KCNJ15: variants seen among roughly 807,000 people sequenced by gnomAD.
KCNJ15 encodes the protein potassium inwardly rectifying channel subfamily J member 15, also known as ATP-sensitive inward rectifier potassium channel 15.
Under a neutral mutation model 23.0 loss-of-function variants are expected in KCNJ15, and 14 were observed. The ratio of observed to expected loss-of-function variants is 0.61; its 90% CI spans 0.40 to 0.95. KCNJ15 has a LOEUF of 0.95. KCNJ15 is among the 40% of genes least tolerant of loss of function. KCNJ15 has a pLI of 0.00. For synonymous variants in KCNJ15, 185 were observed against 183.2 expected (o/e 1.01, Z -0.08); for missense variants, 388 against 461.8 (o/e 0.84, Z 1.46).
In KCNJ15 at chr21:38,306,925, T is replaced by TGTGTACTTACCA. The variant is rs1986077155; in HGVS notation, c.*6536_*6537insGTGTACTTACCA. ...TATATGCAAACAATCCCACTGCTTG[T>TGTGTACTTACCA]AACTCCTGGCAGTGTGTACTTACCA... On this transcript the variant is annotated 3_prime_UTR_variant, in exon 3 of 3. Transcript: ENST00000398938. 6.6e-6 allele frequency: 1 copy of TGTGTACTTACCA among 152,256 alleles called. No homozygotes were observed. The highest frequency in any genetic ancestry group is 2.1e-4 in the South Asian group (1 of 4,838). The allele number at this position is 152,256 out of a possible 1,614,324, so 9.4% of individuals were successfully genotyped here.
upstream of KCNJ15, among the ~76,000 whole-genome samples, chr21:38,254,138 CTTAG>C (rs892203429): frequency 2.6e-5 from 4 of 152,158 alleles, no homozygotes; most frequent in African/African-American, 4.8e-5. Flanking sequence ...TCCTATTTCC[CTTAG>C]TTAGTTTCAG....
chr21:38,259,336 A>G (rs910965268), intron 1 of KCNJ15, among the ~76,000 whole-genome samples: 3 of 152,326 alleles, frequency 2.0e-5, no homozygotes, highest in Middle Eastern at 3.4e-3. Context: ...AGCTGTAAGC[A>G]TGATAAAGCT....
At chr21:38,241,298 G>A (rs1279149186) in intron 1 of KCNJ15, among the ~76,000 whole-genome samples, 1 of 125,854 alleles carries the variant, frequency 7.9e-6, no homozygotes, top group Non-Finnish European at 1.7e-5. Flanking sequence ...TTCTCCAAGT[G>A]CAAAACATCC....
chr21:38,301,974 A>ACACATATGCACACACGCGCGTG lies in KCNJ15; in HGVS notation c.*1589_*1590insTATGCACACACGCGCGTGCACA, dbSNP rs1985818649. 6.5e-6 allele frequency: 1 copy of ACACATATGCACACACGCGCGTG among 154,718 alleles called. No individual in the cohort carries two copies. The highest frequency in any genetic ancestry group is 1.9e-4 in the East Asian group (1 of 5,200). 9.6% of individuals were successfully genotyped at this position (154,718 alleles called of 1,614,324 possible). A position where few individuals can be genotyped will look rare whatever the true frequency, so the allele number is the denominator to read the frequency against. The stretch of plus-strand genomic sequence containing the variant: ...CACACACAGTCACACACGCACACAC[A>ACACATATGCACACACGCGCGTG]CACACATGCACACACGCGCGTGCAC... On this transcript the variant is annotated 3_prime_UTR_variant, in exon 3 of 3. Transcript: ENST00000398938.
rs576709021 is a variant in KCNJ15, at chr21:38,268,550, GAAAAAAAAAAAAA to G, written c.-117+11380_-117+11392del. 5.2e-3 allele frequency among the ~76,000 whole-genome samples: 246 copies of G among 47,272 alleles called. 1 individual carries two copies. Among genetic ancestry groups the G allele is most frequent in the Middle Eastern group, 0.04 (2 of 50 alleles). 31.0% of individuals were successfully genotyped at this position (47,272 alleles called of 152,430 possible). A position where few individuals can be genotyped will look rare whatever the true frequency, so the allele number is the denominator to read the frequency against. ...TATCTGACAAGAGTACTTAAAATCTGAAAAAAAAAAAAAAAAAAAAAAAAAAAGAAAGTGGGAG... is the reference window on the plus strand; with the variant it reads ...TATCTGACAAGAGTACTTAAAATCTGAAAAAAAAAAAAAAGAAAGTGGGAG... On this transcript the variant is annotated intron_variant, in intron 1 of 2. Transcript: ENST00000398938.
intron 1 of KCNJ15, among the ~76,000 whole-genome samples, chr21:38,231,978 C>A (rs1978321898): frequency 6.6e-6 from 1 of 151,676 alleles, no homozygotes; most frequent in South Asian, 2.1e-4. Context: ...ATAAAATGAG[C>A]TAGGAATTGT....
At chr21:38,238,633 T>C in intron 1 of KCNJ15, 1 of 586,968 alleles carries the variant, frequency 1.7e-6, no homozygotes, top group Non-Finnish European at 3.2e-6. Flanking sequence ...CCAGAGCGGG[T>C]TGTGGGCTGA....
At chr21:38,250,573 A>G (rs973683838) in intron 1 of KCNJ15, among the ~76,000 whole-genome samples, 2 of 152,240 alleles carry the variant, frequency 1.3e-5, no homozygotes, top group Non-Finnish European at 2.9e-5. Context: ...GGAGGTTCAC[A>G]TGCTTCAGAC....
chr21:38,283,844 GAAA>G (rs57115979), intron 1 of KCNJ15, among the ~76,000 whole-genome samples: 99,589 of 151,542 alleles, frequency 0.66, 33,364 homozygotes, highest in Non-Finnish European at 0.73. Flanking sequence ...TTTGATAAGT[GAAA>G]AGTGAATTCC....
intron 1 of KCNJ15, among the ~76,000 whole-genome samples, chr21:38,247,057 AATGGATGGATGGATGGATGG>A (rs1234072753): frequency 8.3e-6 from 1 of 119,974 alleles, no homozygotes; most frequent in Non-Finnish European, 1.8e-5. Flanking sequence ...TGGATGGGTG[AATGGATGGATGGATGGATGG>A]ATGGATGGAT....
intron 1 of KCNJ15, among the ~76,000 whole-genome samples, chr21:38,285,943 T>C (rs935213254): frequency 6.6e-6 from 1 of 152,194 alleles, no homozygotes; most frequent in African/African-American, 2.4e-5. Flanking sequence ...GTATATTAAC[T>C]GTAAAAATCC....
chr21:38,242,881 T>A (rs1013482944), intron 1 of KCNJ15, among the ~76,000 whole-genome samples: 2 of 152,164 alleles, frequency 1.3e-5, no homozygotes, highest in Non-Finnish European at 2.9e-5. Context: ...TTTACTGCAG[T>A]CTCCATATCC....
At position 38,301,966 on chromosome 21, in the gene KCNJ15, GCA is replaced by G. The variant is rs150780303; in HGVS notation, c.*1590_*1591del. 2,291 of 156,054 alleles carry G rather than the reference GCA, an allele frequency of 0.015. 33 individuals carry two copies. The highest frequency in any genetic ancestry group is 0.023 in the Non-Finnish European group (1,568 of 67,904). The allele number at this position is 156,054 out of a possible 1,614,324, so 9.7% of individuals were successfully genotyped here. On this transcript the variant is annotated 3_prime_UTR_variant, in exon 3 of 3. Coordinates refer to ENST00000398938, the MANE Select transcript of KCNJ15 (RefSeq NM_170736.3). ...ACCAAGCACACACACAGTCACACAC[GCA>G]CACACACACACATGCACACACGCGC...
At chr21:38,296,244 ATAGAT>A (rs1475772977) in intron 1 of KCNJ15, among the ~76,000 whole-genome samples, 4 of 143,314 alleles carry the variant, frequency 2.8e-5, no homozygotes, top group Non-Finnish European at 4.4e-5. Flanking sequence ...ATAATAAATG[ATAGAT>A]TAGAGAGATA....
intron 1 of KCNJ15, among the ~76,000 whole-genome samples, chr21:38,265,098 A>G (rs576299268): frequency 1.8e-4 from 27 of 152,310 alleles, no homozygotes; most frequent in South Asian, 6.2e-4. Flanking sequence ...AATTAGCATC[A>G]TTTCAGTCTC....
chr21:38,290,418 G>T (rs541675920), intron 1 of KCNJ15, among the ~76,000 whole-genome samples: 5 of 152,108 alleles, frequency 3.3e-5, no homozygotes, highest in African/African-American at 1.2e-4. Flanking sequence ...TAGGAAAAAA[G>T]CTACATATCT....
chr21:38,278,582 C>T lies in KCNJ15; in HGVS notation c.-116-18344C>T, dbSNP rs377359920. On this transcript the variant is annotated intron_variant, in intron 1 of 2. Transcript: ENST00000398938. Reference sequence around the variant, plus strand: ...ACACTGAGATAAATATTCTGGGAGACAGAAGCATAGGCAATCATGTAGAGA... The same window carrying T: ...ACACTGAGATAAATATTCTGGGAGATAGAAGCATAGGCAATCATGTAGAGA... Among the ~76,000 whole-genome samples, 20 of 152,190 alleles carry T rather than the reference C, an allele frequency of 1.3e-4. No homozygotes were observed. The East Asian group carries it at 3.1e-3, about 24-fold the overall frequency.
At chr21:38,257,662 GA>G (rs1980405032) in intron 1 of KCNJ15, among the ~76,000 whole-genome samples, 1 of 152,234 alleles carries the variant, frequency 6.6e-6, no homozygotes, top group South Asian at 2.1e-4. Flanking sequence ...ATCCTTTTGA[GA>G]AAAGTTATGT....
At chr21:38,290,144 A>T (rs1026578042) in intron 1 of KCNJ15, among the ~76,000 whole-genome samples, 1 of 152,378 alleles carries the variant, frequency 6.6e-6, no homozygotes, top group Non-Finnish European at 1.5e-5. Flanking sequence ...GAAAATATTC[A>T]GTAAATGATA....
Sources: allele counts gnomAD v4.1 joint callset (sites outside exome capture counted in the v4.1 genomes callset), GRCh38; gene constraint gnomAD v4.1.1; transcripts MANE v1.5; gene names NCBI Gene and HGNC (gene_info 2026-07-23, HGNC 2026-07-21).